USP50: variants seen among roughly 807,000 people sequenced by gnomAD.
USP50 encodes ubiquitin specific peptidase 50.
USP50 carries 37 observed loss-of-function variants against 39.2 expected under a neutral mutation model. That is an observed-to-expected ratio of 0.94 (90% CI 0.73 to 1.24). The LOEUF is 1.24. USP50 is among the 50% of genes most tolerant of loss of function. The probability of loss-of-function intolerance (pLI) is 0.00; values close to 1 mark genes in which losing one functional copy is unlikely to be tolerated. For synonymous variants in USP50, 139 were observed against 144.5 expected (o/e 0.96, Z 0.27); for missense variants, 374 against 398.2 (o/e 0.94, Z 0.52).
Position 50,546,549 on chromosome 15 carries a change from T to C in USP50, c.-24A>G. 6.2e-7 allele frequency: 1 copy of C among 1,613,152 alleles called. No individual in the cohort carries two copies. The highest frequency in any genetic ancestry group is 8.5e-7 in the Non-Finnish European group (1 of 1,179,224). On this transcript the variant is annotated 5_prime_UTR_variant, in exon 1 of 7. Coordinates refer to ENST00000532404, the MANE Select transcript of USP50 (RefSeq NM_203494.5). ...ATTTTAATGGAACCACGTTGGACTT[T>C]TGCTTCTATTCAGGAGCTACATCTA... is the stretch of plus-strand genomic sequence containing the variant.
intron 6 of USP50, chr15:50,513,518 TAAAAAAAAA>T (rs35523535): frequency 1.2e-5 from 1 of 85,980 alleles, no homozygotes; most frequent in African/African-American, 4.5e-5. Flanking sequence ...CGAAACTGTC[TAAAAAAAAA>T]AAAAAAAAAA....
At chr15:50,533,948 C>T (rs1429316323) in intron 5 of USP50, among the ~76,000 whole-genome samples, 4 of 151,894 alleles carry the variant, frequency 2.6e-5, no homozygotes, top group Admixed American at 2.0e-4. Context: ...TGCAGTGAGC[C>T]GAGATCATGC....
At chr15:50,493,455 C>T (rs745665793), downstream of USP50, 6 of 518,876 alleles carry the variant, frequency 1.2e-5, no homozygotes, top group Admixed American at 1.2e-4. Context: ...ATATCTTTAT[C>T]CTTAGGAATA....
chr15:50,529,017 T>C (rs2052919637), intron 6 of USP50, among the ~76,000 whole-genome samples: 1 of 152,192 alleles, frequency 6.6e-6, no homozygotes, highest in Non-Finnish European at 1.5e-5. Context: ...ATGGTTGATA[T>C]GAGTTCCGGT....
At chr15:50,542,130 C>G (rs1258973298) in intron 3 of USP50, among the ~76,000 whole-genome samples, 1 of 151,874 alleles carries the variant, frequency 6.6e-6, no homozygotes, top group African/African-American at 2.4e-5. Flanking sequence ...GGTTTGGATC[C>G]AGCTCATACT....
At chr15:50,521,757 G>A (rs905384846) in intron 6 of USP50, among the ~76,000 whole-genome samples, 2 of 152,076 alleles carry the variant, frequency 1.3e-5, no homozygotes, top group Non-Finnish European at 2.9e-5. Context: ...GAGGTCAGGA[G>A]TTCAAGACCA....
chr15:50,539,494 G>A (rs1181149663), intron 4 of USP50, among the ~76,000 whole-genome samples: 2 of 149,034 alleles, frequency 1.3e-5, no homozygotes, highest in East Asian at 2.0e-4. Flanking sequence ...TTGGCTCACT[G>A]CAACCTCCAC....
At chr15:50,521,633 A>C (rs1009147852) in intron 6 of USP50, among the ~76,000 whole-genome samples, 7 of 152,306 alleles carry the variant, frequency 4.6e-5, no homozygotes, top group Non-Finnish European at 8.8e-5. Flanking sequence ...ACAATTGACA[A>C]ACTATTAGCT....
At chr15:50,493,836 G>T (rs2052270723), downstream of USP50, 1 of 664,564 alleles carries the variant, frequency 1.5e-6, no homozygotes, top group South Asian at 1.5e-5. Flanking sequence ...ATGAACTGGA[G>T]CCTGTTGATG....
At chr15:50,497,429 C>T, downstream of USP50, 1 of 447,110 alleles carries the variant, frequency 2.2e-6, no homozygotes, top group Non-Finnish European at 3.8e-6. Flanking sequence ...AGCAAAATGA[C>T]AATACCACTA....
chr15:50,495,572 G>A (rs956776864), downstream of USP50, among the ~76,000 whole-genome samples: 1 of 151,990 alleles, frequency 6.6e-6, no homozygotes, highest in Non-Finnish European at 1.5e-5. Flanking sequence ...AGAATGCTGG[G>A]ATTACAAGCA....
At position 50,541,513 on chromosome 15, in the gene USP50, C is replaced by CA. The variant is rs949173430; in HGVS notation, c.445-250dup. On this transcript the variant is annotated intron_variant, in intron 3 of 6. Coordinates refer to ENST00000532404, the MANE Select transcript of USP50 (RefSeq NM_203494.5). ...GGGTGACAGAGTGAGACCATGTTTC[C>CA]AAAAAAAAAGGAAAAGTTTTCAATA... Among the ~76,000 whole-genome samples the CA allele has an allele frequency of 1.7e-3, 252 of 147,400 alleles. 1 individual carries two copies. The highest frequency in any genetic ancestry group is 5.7e-3 in the African/African-American group (228 of 40,224).
At chr15:50,519,571 C>T (rs760773044) in intron 6 of USP50, among the ~76,000 whole-genome samples, 1 of 151,968 alleles carries the variant, frequency 6.6e-6, no homozygotes, top group Non-Finnish European at 1.5e-5. Context: ...AAAAATTAGG[C>T]GGGTGCGGTG....
chr15:50,545,217 A>AATT (rs1183897899), intron 1 of USP50, among the ~76,000 whole-genome samples: 11 of 152,084 alleles, frequency 7.2e-5, no homozygotes, highest in South Asian at 2.1e-4. Context: ...CAAGTAATTA[A>AATT]ATTATTATTA....
At chr15:50,525,696 TGTATATATATG>T (rs1402122534) in intron 6 of USP50, among the ~76,000 whole-genome samples, 4 of 109,446 alleles carry the variant, frequency 3.7e-5, no homozygotes, top group Non-Finnish European at 5.6e-5. Context: ...TATATGTATA[TGTATATATATG>T]TATATATGTA....
chr15:50,536,704 C>T (rs780917466), intron 5 of USP50, among the ~76,000 whole-genome samples: 1 of 151,646 alleles, frequency 6.6e-6, no homozygotes, highest in Non-Finnish European at 1.5e-5. Context: ...ACATTAGCAC[C>T]CTCAAAAATG....
intron 6 of USP50, 155 bp from the exon 7 acceptor site, chr15:50,500,992 C>T (rs2052575092): frequency 1.6e-6 from 1 of 617,544 alleles, no homozygotes; most frequent in East Asian, 2.9e-5. Context: ...TATAGCCTGA[C>T]TGCTATATTG....
At chr15:50,508,278 T>C (rs1292678500) in intron 6 of USP50, 2 of 151,874 alleles carry the variant, frequency 1.3e-5, no homozygotes, top group African/African-American at 4.8e-5. Context: ...TATCAAAACA[T>C]GGGATGCACT....
chr15:50,493,229 C>G, downstream of USP50: 1 of 506,382 alleles, frequency 2.0e-6, no homozygotes, highest in Non-Finnish European at 3.8e-6. Flanking sequence ...CTTATCACCT[C>G]TTTAAAGGCC....
Sources: allele counts gnomAD v4.1 joint callset (sites outside exome capture counted in the v4.1 genomes callset), GRCh38; gene constraint gnomAD v4.1.1; transcripts MANE v1.5; gene names NCBI Gene and HGNC (gene_info 2026-07-23, HGNC 2026-07-21).